ZDHHC14: variants seen among roughly 807,000 people sequenced by gnomAD.
ZDHHC14 encodes zDHHC palmitoyltransferase 14.
A neutral mutation model predicts 47.7 loss-of-function variants in ZDHHC14; 16 were observed. That is an observed-to-expected ratio of 0.34 (90% CI 0.23 to 0.51). The LOEUF (loss-of-function observed/expected upper bound fraction) is 0.51, where lower values mean the gene tolerates loss of function less well. Among genes scored for constraint, ZDHHC14 ranks in the 20% least tolerant of loss-of-function variants. ZDHHC14 has a pLI of 0.97. For synonymous variants in ZDHHC14, 293 were observed against 278.9 expected (o/e 1.05, Z -0.50); for missense variants, 515 against 662.5 (o/e 0.78, Z 2.44).
At position 157,593,079 on chromosome 6, in the gene ZDHHC14, C is replaced by T; in HGVS notation, c.498C>T (p.Tyr166=). ...IINGQTVKLK[Y]CFTCKIFRPP... is the part of the protein sequence containing the mutation. ...ATGGCCAGACCGTGAAACTTAAATA[C>T]TGTTTCACCTGCAAGATTTTCCGGC... Residue 166 remains tyrosine (Y), a synonymous_variant, in exon 3 of 9, where the codon TAC becomes TAT. Coordinates refer to ENST00000359775, the MANE Select transcript of ZDHHC14 (RefSeq NM_024630.3). 3 of 1,614,210 alleles carry T rather than the reference C, an allele frequency of 1.9e-6. 1 individual carries two copies. The highest frequency in any genetic ancestry group is 2.2e-5 in the East Asian group (1 of 44,882).
chr6:157,551,720 A>C (rs998832040), intron 2 of ZDHHC14, among the ~76,000 whole-genome samples: 3 of 152,184 alleles, frequency 2.0e-5, no homozygotes, highest in Non-Finnish European at 4.4e-5. Context: ...AACTCCCAGG[A>C]CTGTCGTATT....
chr6:157,523,744 GA>G (rs1158768719), intron 1 of ZDHHC14, among the ~76,000 whole-genome samples: 1 of 151,266 alleles, frequency 6.6e-6, no homozygotes, highest in African/African-American at 2.4e-5. Flanking sequence ...AAAAAAAAAG[GA>G]AAAAAATTAG....
At chr6:157,533,484 A>G (rs567285705) in intron 1 of ZDHHC14, among the ~76,000 whole-genome samples, 8 of 152,310 alleles carry the variant, frequency 5.3e-5, no homozygotes, top group African/African-American at 1.9e-4. Flanking sequence ...GAGGAGCTCT[A>G]TGGCTCCCTG....
intron 3 of ZDHHC14, among the ~76,000 whole-genome samples, chr6:157,620,518 G>T (rs558827011): frequency 2.0e-5 from 3 of 152,342 alleles, no homozygotes; most frequent in African/African-American, 7.2e-5. Flanking sequence ...TCAAATCCAT[G>T]TCTCTGTAAG....
At chr6:157,644,294 G>A (rs911355498) in intron 5 of ZDHHC14, among the ~76,000 whole-genome samples, 2 of 152,330 alleles carry the variant, frequency 1.3e-5, no homozygotes, top group Middle Eastern at 3.4e-3. Flanking sequence ...TGGGAAGGCA[G>A]TTGAGAATGA....
At chr6:157,649,821 GA>G (rs1175640669) in intron 7 of ZDHHC14, among the ~76,000 whole-genome samples, 2 of 152,210 alleles carry the variant, frequency 1.3e-5, no homozygotes, top group East Asian at 3.9e-4. Flanking sequence ...GGGAGGAATG[GA>G]AAATTGGGAA....
chr6:157,505,391 G>A (rs575310716), intron 1 of ZDHHC14, among the ~76,000 whole-genome samples: 30 of 152,242 alleles, frequency 2.0e-4, no homozygotes, highest in Admixed American at 8.5e-4. Flanking sequence ...CATCATTTGC[G>A]TAGTTCAGGG....
At chr6:157,594,178 G>A (rs976746783) in intron 3 of ZDHHC14, among the ~76,000 whole-genome samples, 1 of 152,168 alleles carries the variant, frequency 6.6e-6, no homozygotes, top group Non-Finnish European at 1.5e-5. Flanking sequence ...TATAATGTAC[G>A]TCCTGCTGTG....
At chr6:157,404,137 C>CTATT (rs771166992) in intron 1 of ZDHHC14, among the ~76,000 whole-genome samples, 19 of 152,138 alleles carry the variant, frequency 1.2e-4, no homozygotes, top group Non-Finnish European at 2.5e-4. Flanking sequence ...AAGTGGCTTT[C>CTATT]TATTTATTTA....
intron 1 of ZDHHC14, among the ~76,000 whole-genome samples, chr6:157,445,144 ACT>A (rs1554258073): frequency 4.8e-5 from 7 of 146,954 alleles, no homozygotes; most frequent in African/African-American, 1.3e-4. Context: ...ACACACACAC[ACT>A]CTTCATATCT....
chr6:157,508,472 C>G (rs960574585), intron 1 of ZDHHC14, among the ~76,000 whole-genome samples: 1 of 152,114 alleles, frequency 6.6e-6, no homozygotes, highest in Non-Finnish European at 1.5e-5. Context: ...CTCAAGCAAT[C>G]CTCCCACCTC....
intron 8 of ZDHHC14, among the ~76,000 whole-genome samples, chr6:157,660,472 C>A (rs781285389): frequency 6.6e-5 from 10 of 152,198 alleles, no homozygotes; most frequent in Non-Finnish European, 1.0e-4. Flanking sequence ...GGATTACAGG[C>A]ATGAACCACT....
At position 157,381,568 on chromosome 6, in the gene ZDHHC14, G is replaced by A; in HGVS notation, c.-454G>A. 2.5e-6 allele frequency: 1 copy of A among 401,700 alleles called. No homozygotes were observed. The highest frequency in any genetic ancestry group is 1.7e-5 in the South Asian group (1 of 59,554). The allele number at this position is 401,700 out of a possible 1,614,324, so 24.9% of individuals were successfully genotyped here. A position where few individuals can be genotyped will look rare whatever the true frequency, so the allele number is the denominator to read the frequency against. On this transcript the variant is annotated 5_prime_UTR_variant, in exon 1 of 9. Coordinates refer to ENST00000359775, the MANE Select transcript of ZDHHC14 (RefSeq NM_024630.3). The stretch of plus-strand genomic sequence containing the variant: ...TGGCCGCGCCGCAGAAGTGGCTCCC[G>A]AGGAAGCCGGCGCCGGGGCCGCCGC...
intron 5 of ZDHHC14, among the ~76,000 whole-genome samples, chr6:157,635,902 G>T (rs1244584903): frequency 6.6e-6 from 1 of 152,100 alleles, no homozygotes; most frequent in Non-Finnish European, 1.5e-5. Context: ...TTTCCCTATT[G>T]GCCCAGTTTT....
At chr6:157,570,263 C>G (rs1471635477) in intron 2 of ZDHHC14, among the ~76,000 whole-genome samples, 1 of 152,252 alleles carries the variant, frequency 6.6e-6, no homozygotes, top group Admixed American at 6.5e-5. Flanking sequence ...AAGCCTGGCC[C>G]TGCCATAGCG....
chr6:157,672,950 A>G lies in ZDHHC14; in HGVS notation c.1295A>G (p.Glu432Gly). 1 of 1,601,404 alleles carries G rather than the reference A, an allele frequency of 6.2e-7. No individual in the cohort carries two copies. Among genetic ancestry groups the G allele is most frequent in the Non-Finnish European group, 8.5e-7 (1 of 1,176,568 alleles). Residue 432 changes from glutamate (E) to glycine (G), a missense_variant, in exon 9 of 9, where the codon GAG (glutamate) becomes GGG (glycine). Physicochemically the swap from Glu to Gly is moderately conservative, Grantham distance 98. Coordinates refer to ENST00000359775, the MANE Select transcript of ZDHHC14 (RefSeq NM_024630.3). Reference protein sequence around the residue: ...TLADVMPRKDEHMGHQFLTPD... With the variant: ...TLADVMPRKDGHMGHQFLTPD... ...GCGGACGTGATGCCCCGGAAAGATG[A>G]GCACATGGGCCACCAGTTCCTGACG...
At chr6:157,616,415 G>A (rs1784964919) in intron 3 of ZDHHC14, among the ~76,000 whole-genome samples, 3 of 152,300 alleles carry the variant, frequency 2.0e-5, no homozygotes, top group Non-Finnish European at 4.4e-5. Context: ...GGGACCTGCG[G>A]AAGGGGAGGG....
chr6:157,593,448 T>C (rs1418848045), intron 3 of ZDHHC14, among the ~76,000 whole-genome samples: 2 of 152,162 alleles, frequency 1.3e-5, no homozygotes, highest in Non-Finnish European at 2.9e-5. Context: ...CCCAGGCCTC[T>C]CGATTGCCAC....
chr6:157,482,563 A>G (rs768814188), intron 1 of ZDHHC14, among the ~76,000 whole-genome samples: 1 of 151,734 alleles, frequency 6.6e-6, no homozygotes, highest in African/African-American at 2.4e-5. Flanking sequence ...TCCAACGTCT[A>G]TATTTCATTT....
Sources: allele counts gnomAD v4.1 joint callset (sites outside exome capture counted in the v4.1 genomes callset), GRCh38; gene constraint gnomAD v4.1.1; transcripts MANE v1.5; gene names NCBI Gene and HGNC (gene_info 2026-07-23, HGNC 2026-07-21).